SGCZ: variants seen among roughly 807,000 people sequenced by gnomAD.
SGCZ encodes zeta-sarcoglycan.
A neutral mutation model predicts 41.3 loss-of-function variants in SGCZ; 40 were observed. The observed-to-expected ratio is 0.97, with a 90% CI of 0.75 to 1.26. The LOEUF (loss-of-function observed/expected upper bound fraction) is 1.26. SGCZ is among the 50% of genes most tolerant of loss of function. The probability of loss-of-function intolerance (pLI) is 0.00; values close to 1 mark genes in which losing one functional copy is unlikely to be tolerated. For missense variants in SGCZ, 552 were observed against 369.8 expected (o/e 1.49, Z -4.04); for synonymous variants, 206 against 137.5 (o/e 1.50, Z -3.49).
At chr8:14,992,615 C>G (rs867338147) in intron 1 of SGCZ, among the ~76,000 whole-genome samples, 7 of 149,932 alleles carry the variant, frequency 4.7e-5, no homozygotes, top group African/African-American at 1.7e-4. Flanking sequence ...CTCCCAAAAC[C>G]AGTGTTACCC....
intron 2 of SGCZ, among the ~76,000 whole-genome samples, chr8:14,482,195 C>T (rs1585573857): frequency 6.6e-6 from 1 of 152,176 alleles, no homozygotes; most frequent in Admixed American, 6.5e-5. Flanking sequence ...TATCTAACTT[C>T]CCCTCCTTGA....
chr8:15,222,444 GA>G lies in SGCZ; in HGVS notation c.39+15140del, dbSNP rs78163653. Among the ~76,000 whole-genome samples the G allele has an allele frequency of 2.6e-3, 387 of 149,490 alleles. 3 individuals carry two copies. The highest frequency in any genetic ancestry group is 9.0e-3 in the African/African-American group (365 of 40,744). ...TGTCATGGAAAATATTCCTGCCTAT[GA>G]AAAAAAAACACCCCTGGAAGGACCT... is the stretch of plus-strand genomic sequence containing the variant. On this transcript the variant is annotated intron_variant, in intron 1 of 7. Coordinates refer to ENST00000382080, the MANE Select transcript of SGCZ (RefSeq NM_139167.4).
At chr8:14,096,782 A>C (rs375665241) in intron 7 of SGCZ, among the ~76,000 whole-genome samples, 3 of 152,012 alleles carry the variant, frequency 2.0e-5, no homozygotes, top group East Asian at 1.9e-4. Flanking sequence ...CAATTTCAGA[A>C]CTTGTTATTG....
At chr8:15,188,316 A>G (rs17575734) in intron 1 of SGCZ, among the ~76,000 whole-genome samples, 11,020 of 152,140 alleles carry the variant, frequency 0.072, 430 homozygotes, top group African/African-American at 0.084. Flanking sequence ...TAGCTCCTAG[A>G]ACATCTGTTA....
At chr8:15,037,515 T>G (rs1428954856) in intron 1 of SGCZ, among the ~76,000 whole-genome samples, 1 of 152,202 alleles carries the variant, frequency 6.6e-6, no homozygotes, top group East Asian at 1.9e-4. Flanking sequence ...ACAGCTTATG[T>G]TATACTCAAC....
chr8:15,022,357 T>A (rs1162898578), intron 1 of SGCZ, among the ~76,000 whole-genome samples: 1 of 152,116 alleles, frequency 6.6e-6, no homozygotes, highest in Admixed American at 6.5e-5. Flanking sequence ...TATTTATTTA[T>A]TTTTTGAGAC....
chr8:14,461,290 T>C (rs1286725232), intron 2 of SGCZ, among the ~76,000 whole-genome samples: 2 of 152,136 alleles, frequency 1.3e-5, no homozygotes, highest in African/African-American at 4.8e-5. Flanking sequence ...TGGCTTCTAT[T>C]CAGAACAACT....
chr8:14,110,958 G>T (rs1282387678), intron 5 of SGCZ, among the ~76,000 whole-genome samples: 1 of 152,058 alleles, frequency 6.6e-6, no homozygotes, highest in Admixed American at 6.6e-5. Context: ...GGAGGCTGAG[G>T]CAGGAGAATA....
At chr8:15,218,670 T>C (rs1216644343) in intron 1 of SGCZ, among the ~76,000 whole-genome samples, 1 of 152,190 alleles carries the variant, frequency 6.6e-6, no homozygotes, top group Non-Finnish European at 1.5e-5. Flanking sequence ...CTCGTTTTTT[T>C]ACAGCCCAAT....
intron 2 of SGCZ, among the ~76,000 whole-genome samples, chr8:14,497,174 A>AT (rs1802012826): frequency 6.6e-6 from 1 of 152,102 alleles, no homozygotes; most frequent in African/African-American, 2.4e-5. Context: ...GAGGCTGGGT[A>AT]ATTTATTTTT....
intron 2 of SGCZ, among the ~76,000 whole-genome samples, chr8:14,435,452 T>C (rs1800062011): frequency 6.6e-6 from 1 of 152,172 alleles, no homozygotes; most frequent in Admixed American, 6.6e-5. Context: ...CTCCCTTCTC[T>C]TGAATTTTTT....
At chr8:15,202,610 A>G (rs1296347835) in intron 1 of SGCZ, among the ~76,000 whole-genome samples, 2 of 152,320 alleles carry the variant, frequency 1.3e-5, no homozygotes, top group East Asian at 3.9e-4. Flanking sequence ...GAATTTATTC[A>G]TGTAACCAAA....
rs574689198 is a variant in SGCZ at position 14,099,374 on chromosome 8, C to T, written c.744+3002G>A. Among the ~76,000 whole-genome samples the T allele has an allele frequency of 5.9e-5, 9 of 152,268 alleles. No homozygotes were observed. In the South Asian group the frequency reaches 1.9e-3, roughly 32 times the overall value. On this transcript the variant is annotated intron_variant, in intron 7 of 7. Transcript: ENST00000382080. ...TCACAGTCCAGTGTCTTTCCTCTAC[C>T]AAGAATTCACTTATCCTTCTGTCAC...
At position 14,264,414 on chromosome 8, in the gene SGCZ, T is replaced by C. The variant is rs567040479; in HGVS notation, c.337-26735A>G. Among the ~76,000 whole-genome samples the C allele has an allele frequency of 2.0e-4, 31 of 152,286 alleles. No individual in the cohort carries two copies. In the South Asian group the frequency reaches 6.0e-3, roughly 29 times the overall value. On this transcript the variant is annotated intron_variant, in intron 3 of 7. Coordinates refer to ENST00000382080, the MANE Select transcript of SGCZ (RefSeq NM_139167.4). ...TGTGGATGGAGCATCTGGATCTTCC[T>C]CAGCCTCAGACAGAAATCCATGGAC...
chr8:14,857,893 A>G (rs1416698126), intron 1 of SGCZ, among the ~76,000 whole-genome samples: 1 of 152,056 alleles, frequency 6.6e-6, no homozygotes, highest in African/African-American at 2.4e-5. Flanking sequence ...AGAAAAGAAA[A>G]CAAATGCAGA....
At chr8:14,836,663 A>T (rs2130615497) in intron 1 of SGCZ, among the ~76,000 whole-genome samples, 1 of 152,188 alleles carries the variant, frequency 6.6e-6, no homozygotes, top group East Asian at 1.9e-4. Flanking sequence ...ATACCCAGGT[A>T]ATTCTTTTAG....
At chr8:14,090,723 AGG>A (rs1801665005) in intron 7 of SGCZ, 86 bp from the exon 8 acceptor site, 2 of 1,185,698 alleles carry the variant, frequency 1.7e-6, no homozygotes, top group Non-Finnish European at 2.3e-6. Context: ...TGGTCTAATA[AGG>A]AAGTCGACAC....
chr8:15,082,901 C>T (rs958050884), intron 1 of SGCZ, among the ~76,000 whole-genome samples: 2 of 152,238 alleles, frequency 1.3e-5, no homozygotes, highest in Non-Finnish European at 2.9e-5. Flanking sequence ...AAAAGGTTCA[C>T]TTAGACAGTA....
In SGCZ at chr8:14,085,139, T is replaced by A. The variant is rs1237871762; in HGVS notation, c.*5304A>T. Among the ~76,000 whole-genome samples the A allele has an allele frequency of 6.6e-6, 1 of 151,818 alleles. No homozygotes were observed. Among genetic ancestry groups the A allele is most frequent in the Non-Finnish European group, 1.5e-5 (1 of 67,810 alleles). Reference sequence around the variant, plus strand: ...TTATAGGGCAGACAGTCCATTTAAATAGAAAAAGTGATTTTACATAAAGCA... The same window carrying A: ...TTATAGGGCAGACAGTCCATTTAAAAAGAAAAAGTGATTTTACATAAAGCA... On this transcript the variant is annotated 3_prime_UTR_variant, in exon 8 of 8. Coordinates refer to ENST00000382080, the MANE Select transcript of SGCZ (RefSeq NM_139167.4).
Sources: gnomAD v4.1 joint callset for allele counts (sites outside exome capture counted in the v4.1 genomes callset) on GRCh38, gnomAD v4.1.1 for gene constraint, MANE v1.5 for transcripts, NCBI Gene and HGNC (gene_info 2026-07-23, HGNC 2026-07-21) for gene names.